The following NISCH variants were observed in gnomAD, a reference collection of about 807,000 sequenced individuals.
The protein encoded by NISCH is I-1 receptor candidate protein.
NISCH carries 55 observed loss-of-function variants against 138.4 expected under a neutral mutation model. The ratio of observed to expected loss-of-function variants is 0.40; its 90% CI spans 0.32 to 0.50. The LOEUF (loss-of-function observed/expected upper bound fraction) is 0.50, where lower values mean the gene tolerates loss of function less well. NISCH is among the 20% of genes least tolerant of loss of function. The pLI is 0.71. For missense variants in NISCH, 1,643 were observed against 2,005.5 expected, an observed-to-expected ratio of 0.82 and a Z score of 3.45; for synonymous variants, 860 against 861.5, an observed-to-expected ratio of 1.00 and a Z score of 0.03.
At chr3:52,470,966 C>G (rs1706929624) in intron 4 of NISCH, 59 bp downstream of exon 4, 10 of 1,570,722 alleles carry the variant, frequency 6.4e-6, no homozygotes, top group Non-Finnish European at 8.8e-6. Flanking sequence ...TATGAGGCGG[C>G]CAGAGGCACA....
At chr3:52,461,968 G>A (rs1302621804) in intron 3 of NISCH, among the ~76,000 whole-genome samples, 2 of 152,048 alleles carry the variant, frequency 1.3e-5, no homozygotes, top group African/African-American at 4.8e-5. Context: ...CCTTGCTTGA[G>A]ACCTATGCCT....
chr3:52,478,604 C>A, intron 11 of NISCH, 27 bp downstream of exon 11: 1 of 1,608,024 alleles, frequency 6.2e-7, no homozygotes, highest in Non-Finnish European at 8.5e-7. Context: ...TCAGAAGAGC[C>A]CAGGGAGACC....
chr3:52,473,593 T>G, intron 6 of NISCH, 141 bp from the exon 7 acceptor site: 1 of 540,452 alleles, frequency 1.9e-6, no homozygotes, highest in Non-Finnish European at 3.4e-6. Flanking sequence ...AGAGACACTT[T>G]GGTCTTGAGT....
chr3:52,490,018 C>T (rs1396856948), intron 17 of NISCH, 57 bp from the exon 18 acceptor site: 17 of 1,602,180 alleles, frequency 1.1e-5, no homozygotes, highest in Middle Eastern at 1.7e-4. Context: ...TGGGCATGTC[C>T]CTGGTATGTG....
In NISCH at chr3:52,487,579, C is replaced by T. The variant is rs1325936211; in HGVS notation, c.2087C>T (p.Ala696Val). ...CTGGCTCTGGAATGGGCCCTGGGCGCGGACGAGGACTTCCTGCTGGAGCAC... is the reference window on the plus strand; with the variant it reads ...CTGGCTCTGGAATGGGCCCTGGGCGTGGACGAGGACTTCCTGCTGGAGCAC... Reference protein sequence around the residue: ...ERLALEWALGADEDFLLEHIR... With the variant: ...ERLALEWALGVDEDFLLEHIR... The change falls in exon 16 of 21, where the codon GCG becomes GTG. Residue 696 changes from alanine to valine, a missense_variant. By Grantham distance (64) the Ala-to-Val change is moderately conservative. Coordinates refer to ENST00000345716, the MANE Select transcript of NISCH (RefSeq NM_007184.4). The surrounding 1 kb of genome is among the most constrained non-coding windows in gnomAD (Gnocchi z 9.1). The T allele has an allele frequency of 5.6e-6, 9 of 1,612,910 alleles. No homozygotes were observed. The highest frequency in any genetic ancestry group is 1.3e-5 in the African/African-American group (1 of 74,902).
At position 52,492,495 on chromosome 3, in the gene NISCH, C is replaced by G. The variant is rs1463882305; in HGVS notation, c.*13C>G. On this transcript the variant is annotated 3_prime_UTR_variant, in exon 21 of 21. Transcript: ENST00000345716. The stretch of plus-strand genomic sequence containing the variant: ...GCTCACCGGCTAGCCCAGGCCACAG[C>G]CAGCCTGTCGTGTCCAGCCTGACGC... 6.3e-7 allele frequency: 1 copy of G among 1,581,082 alleles called. No homozygotes were observed. Among genetic ancestry groups the G allele is most frequent in the South Asian group, 1.2e-5 (1 of 86,910 alleles).
Position 52,488,228 on chromosome 3 carries a change from C to T in NISCH, c.2736C>T (p.Leu912=), listed in dbSNP as rs1349744462. The T allele has an allele frequency of 1.6e-5, 26 of 1,611,898 alleles. No individual in the cohort carries two copies. Among genetic ancestry groups the T allele is most frequent in the Non-Finnish European group, 2.1e-5 (25 of 1,179,982 alleles). ...KSAAIPYWLL[L]TPQHLNVIKA... The stretch of plus-strand genomic sequence containing the variant: ...CCGCCATCCCCTACTGGCTGTTGCT[C>T]ACGCCCCAGCACCTCAACGTCATCA... Residue 912 remains leucine (L), a synonymous_variant, in exon 16 of 21, where the codon CTC becomes CTT. Transcript: ENST00000345716.
At chr3:52,480,444 CG>C in intron 13 of NISCH, 149 bp downstream of exon 13, 13 of 1,540,682 alleles carry the variant, frequency 8.4e-6, no homozygotes, top group Non-Finnish European at 1.1e-5. Flanking sequence ...CTGGTCCTCG[CG>C]GGGGGACACA....
chr3:52,464,517 C>CTTTTTTTTTTTTTTTTTTTTTT (rs71084185), intron 3 of NISCH, among the ~76,000 whole-genome samples: 2 of 75,820 alleles, frequency 2.6e-5, no homozygotes, highest in African/African-American at 5.4e-5. Flanking sequence ...TGTGAGTTGT[C>CTTTTTTTTTTTTTTTTTTTTTT]TTTTTTTTTT....
chr3:52,492,264 G>C lies in NISCH; in HGVS notation c.4297G>C (p.Val1433Leu). ...YQTYPQALTL[V>L]FDDVQGHDLM... is the part of the protein sequence containing the mutation. ...GACCTACCCGCAGGCCCTCACCCTC[G>C]TCTTCGATGACGTGCAAGGTCATGA... Residue 1433 changes from valine (V) to leucine (L), a missense_variant, in exon 21 of 21, where the codon GTC (valine) becomes CTC (leucine). Val to Leu is a conservative substitution (Grantham distance 32). Coordinates refer to ENST00000345716, the MANE Select transcript of NISCH (RefSeq NM_007184.4). The C allele has an allele frequency of 6.2e-7, 1 of 1,613,282 alleles. No individual in the cohort carries two copies. Among genetic ancestry groups the C allele is most frequent in the Non-Finnish European group, 8.5e-7 (1 of 1,180,024 alleles).
intron 3 of NISCH, among the ~76,000 whole-genome samples, chr3:52,463,929 G>T (rs952261787): frequency 1.3e-5 from 2 of 150,654 alleles, no homozygotes; most frequent in African/African-American, 4.9e-5. Context: ...GTTTCACCAT[G>T]TCGGCCAGGA....
At chr3:52,470,088 TAAA>T (rs79193522) in intron 3 of NISCH, among the ~76,000 whole-genome samples, 14 of 129,808 alleles carry the variant, frequency 1.1e-4, no homozygotes, top group African/African-American at 2.0e-4. Flanking sequence ...TGTCTCTATT[TAAA>T]AAAAAAAAAA....
chr3:52,474,256 G>C (rs1444589309), intron 7 of NISCH, among the ~76,000 whole-genome samples: 1 of 152,104 alleles, frequency 6.6e-6, no homozygotes, highest in Non-Finnish European at 1.5e-5. Context: ...TGGGATTACA[G>C]GTGCCTGCCA....
At chr3:52,483,333 A>ACTGGGCTGTGGCGATG (rs1345892271) in intron 13 of NISCH, among the ~76,000 whole-genome samples, 1 of 152,068 alleles carries the variant, frequency 6.6e-6, no homozygotes, top group Non-Finnish European at 1.5e-5. Context: ...GGGTCATTTC[A>ACTGGGCTGTGGCGATG]CTGGGCTGTG....
At chr3:52,468,495 C>A (rs1015410969) in intron 3 of NISCH, among the ~76,000 whole-genome samples, 4 of 152,044 alleles carry the variant, frequency 2.6e-5, no homozygotes, top group African/African-American at 9.7e-5. Flanking sequence ...CAAAACCATC[C>A]GTGGAGGCTC....
At chr3:52,483,858 C>T (rs1707338652) in intron 13 of NISCH, among the ~76,000 whole-genome samples, 1 of 152,260 alleles carries the variant, frequency 6.6e-6, no homozygotes, top group Non-Finnish European at 1.5e-5. Flanking sequence ...CCAAACTCTT[C>T]TCTGGATGGG....
chr3:52,476,118 A>G (rs550370235), intron 7 of NISCH, among the ~76,000 whole-genome samples: 20 of 152,360 alleles, frequency 1.3e-4, no homozygotes, highest in Non-Finnish European at 2.2e-4. Context: ...AGCCTGGGTG[A>G]CAGAGCGAGA....
rs1706544403 is a variant in NISCH, at chr3:52,458,644, G to C, written c.178-18G>C. ...GAGCCTCTTAGTCTGTGGTTGATGT[G>C]CTTATGTTTTTTTACAGCTCGTTGC... On this transcript the variant is annotated intron_variant, in intron 2 of 20. Coordinates refer to ENST00000345716, the MANE Select transcript of NISCH (RefSeq NM_007184.4). The C allele has an allele frequency of 6.2e-7, 1 of 1,607,812 alleles. No homozygotes were observed. Among genetic ancestry groups the C allele is most frequent in the Non-Finnish European group, 8.5e-7 (1 of 1,177,074 alleles).
chr3:52,472,041 A>G (rs1578289288), intron 5 of NISCH, 64 bp downstream of exon 5: 2 of 1,493,260 alleles, frequency 1.3e-6, no homozygotes, highest in East Asian at 2.3e-5. Flanking sequence ...CCTGCGGGGG[A>G]CTGGCTGGCA....
Sources: allele counts gnomAD v4.1 joint callset (sites outside exome capture counted in the v4.1 genomes callset), GRCh38; gene constraint gnomAD v4.1.1; non-coding constraint Gnocchi (gnomAD v3.1); transcripts MANE v1.5; gene names NCBI Gene and HGNC (gene_info 2026-07-23, HGNC 2026-07-21).